Variants in SUCO observed in about 807,000 individuals in gnomAD.
SUCO encodes SUN domain-containing ossification factor.
In SUCO, 57 loss-of-function variants were observed where a neutral mutation model predicts 148.1. The observed-to-expected ratio is 0.38, with a 90% CI of 0.31 to 0.48. The LOEUF (loss-of-function observed/expected upper bound fraction) is 0.48. SUCO is among the 20% of genes least tolerant of loss of function. The pLI, the probability that SUCO is intolerant of heterozygous loss-of-function variation, is 0.96. For synonymous variants in SUCO, 470 were observed against 502.7 expected (o/e 0.93, Z 0.87); for missense variants, 1,331 against 1,468.2 (o/e 0.91, Z 1.53).
intron 15 of SUCO, among the ~76,000 whole-genome samples, 181 bp from the exon 16 acceptor site, chr1:172,584,836 CT>C (rs544751734): frequency 6.6e-6 from 1 of 152,186 alleles, no homozygotes; most frequent in Admixed American, 6.5e-5. Flanking sequence ...TAGATACACA[CT>C]TTACACTTTT....
intron 14 of SUCO, 166 bp downstream of exon 14, chr1:172,578,555 A>G (rs547672557): frequency 2.6e-5 from 25 of 971,700 alleles, no homozygotes; most frequent in Middle Eastern, 1.0e-3. Context: ...CTGTTTTCTA[A>G]TATGATTGCT....
In SUCO at chr1:172,557,280, T is replaced by C. The variant is rs1653819685; in HGVS notation, c.444T>C (p.Asp148=). The change falls in exon 5 of 24, where the codon GAT becomes GAC. Residue 148 remains aspartate (D), a splice_region_variant and synonymous_variant. Coordinates refer to ENST00000263688, the MANE Select transcript of SUCO (RefSeq NM_014283.5). ...TTATGTTTCTTGTTTCTTTTTTTAG[T>C]GAAATAGAAAAATCTGGTACTATTC... ...TSEITPISKL[D]EIEKSGTIPI... is the part of the protein sequence containing the mutation. The C allele has an allele frequency of 1.9e-6, 3 of 1,610,544 alleles. No homozygotes were observed. The East Asian group carries it at 6.7e-5, about 36-fold the overall frequency.
chr1:172,576,884 G>A, intron 11 of SUCO: 1 of 786,218 alleles, frequency 1.3e-6, no homozygotes, highest in Non-Finnish European at 1.5e-6. Flanking sequence ...TGTTATGTAA[G>A]TTTTTTACCT....
intron 3 of SUCO, among the ~76,000 whole-genome samples, chr1:172,554,903 T>A (rs574882662): frequency 6.6e-6 from 1 of 152,266 alleles, no homozygotes; most frequent in South Asian, 2.1e-4. Context: ...TTTCTCGGTG[T>A]AAATAATTCC....
At chr1:172,596,627 G>A (rs1417888389) in intron 19 of SUCO, among the ~76,000 whole-genome samples, 2 of 152,198 alleles carry the variant, frequency 1.3e-5, no homozygotes, top group Admixed American at 1.3e-4. Context: ...AAATGTTGCT[G>A]CCTGATCCTT....
intron 10 of SUCO, among the ~76,000 whole-genome samples, chr1:172,574,477 T>G (rs933109846): frequency 1.3e-5 from 2 of 151,830 alleles, no homozygotes; most frequent in African/African-American, 4.8e-5. Flanking sequence ...ATAAAAGAAA[T>G]AAATATATGT....
At chr1:172,556,326 T>C (rs1407588071) in intron 4 of SUCO, among the ~76,000 whole-genome samples, 3 of 152,336 alleles carry the variant, frequency 2.0e-5, no homozygotes, top group Non-Finnish European at 2.9e-5. Context: ...CTTATTTGAA[T>C]TGAATTCCCT....
upstream of SUCO, chr1:172,533,124 C>T: frequency 2.1e-6 from 3 of 1,439,180 alleles, no homozygotes; most frequent in South Asian, 4.4e-5. Context: ...CCTCACGGAG[C>T]AAGGCCCCCG....
chr1:172,602,611 A>G (rs924240049), intron 21 of SUCO, 85 bp from the exon 22 acceptor site: 5 of 1,553,684 alleles, frequency 3.2e-6, no homozygotes, highest in African/African-American at 1.4e-5. Context: ...ACAGTTCTCA[A>G]TAACCTCTGT....
At chr1:172,580,275 A>T (rs1217287076) in intron 15 of SUCO, among the ~76,000 whole-genome samples, 1 of 152,134 alleles carries the variant, frequency 6.6e-6, no homozygotes. Flanking sequence ...TGGGAAAAAG[A>T]GTGTTAAAAA....
chr1:172,533,033 G>C (rs1571159292), upstream of SUCO: 2 of 1,433,612 alleles, frequency 1.4e-6, no homozygotes, highest in South Asian at 1.5e-5. Context: ...TCCCTTTCCA[G>C]CTCAGCGGTG....
Position 172,535,912 on chromosome 1 carries a change from A to C in SUCO, c.62+2415A>C, listed in dbSNP as rs185444189. The stretch of plus-strand genomic sequence containing the variant: ...TAACCTTAGATTATGTTTACAGAAA[A>C]ACCATTTCATCTATGTCATTATTAA... On this transcript the variant is annotated intron_variant, in intron 1 of 23. Coordinates refer to ENST00000263688, the MANE Select transcript of SUCO (RefSeq NM_014283.5). Among the ~76,000 whole-genome samples the C allele has an allele frequency of 2.9e-4, 44 of 152,286 alleles. No homozygotes were observed. In the East Asian group the frequency reaches 8.1e-3, roughly 28 times the overall value.
upstream of SUCO, chr1:172,532,794 G>A (rs1372669098): frequency 6.8e-6 from 11 of 1,608,912 alleles, no homozygotes; most frequent in South Asian, 4.4e-5. Flanking sequence ...CGCGAGGGAC[G>A]AAGGGCGGTC....
In SUCO at chr1:172,533,286, C is replaced by T. The variant is rs1651739172; in HGVS notation, c.-150C>T. On this transcript the variant is annotated 5_prime_UTR_variant, in exon 1 of 24. Transcript: ENST00000263688. Reference sequence around the variant, plus strand: ...TCAGAGAGGGCTGCCAGGACGCGAGCCACTGAGGAGCCGCTCAGCCAGCGC... The same window carrying T: ...TCAGAGAGGGCTGCCAGGACGCGAGTCACTGAGGAGCCGCTCAGCCAGCGC... The T allele has an allele frequency of 4.5e-6, 7 of 1,549,902 alleles. No homozygotes were observed. The highest frequency in any genetic ancestry group is 6.1e-6 in the Non-Finnish European group (7 of 1,146,934).
At chr1:172,599,968 ATAAC>A (rs1480785567) in intron 19 of SUCO, 92 bp from the exon 20 acceptor site, 6 of 828,114 alleles carry the variant, frequency 7.2e-6, no homozygotes, top group Admixed American at 3.6e-5. Flanking sequence ...TTGTTTTGGA[ATAAC>A]TTAATGGTTT....
chr1:172,598,804 T>C (rs1657299436), intron 19 of SUCO, among the ~76,000 whole-genome samples: 1 of 152,196 alleles, frequency 6.6e-6, no homozygotes, highest in African/African-American at 2.4e-5. Context: ...CAGAGTCAAA[T>C]GTAAGTCAGG....
Position 172,570,067 on chromosome 1 carries a change from T to C in SUCO, c.877T>C (p.Ser293Pro). Reference protein sequence around the residue: ...KEKSQSMHASSNGGSHATKKV... With the variant: ...KEKSQSMHASPNGGSHATKKV... ...TGCAGGTCAGTCGATGCATGCATCT[T>C]CTAATGGAGGTTCACATGCCACCAA... The change falls in exon 8 of 24, where the codon TCT becomes CCT. Residue 293 changes from serine to proline, a missense_variant. Physicochemically the swap from Ser to Pro is moderately conservative, Grantham distance 74. Coordinates refer to ENST00000263688, the MANE Select transcript of SUCO (RefSeq NM_014283.5). 6.3e-7 allele frequency: 1 copy of C among 1,578,600 alleles called. No homozygotes were observed. Among genetic ancestry groups the C allele is most frequent in the South Asian group, 1.2e-5 (1 of 85,116 alleles).
At chr1:172,577,018 C>G (rs2149251285) in intron 11 of SUCO, 1 of 774,942 alleles carries the variant, frequency 1.3e-6, no homozygotes, top group Admixed American at 6.3e-5. Flanking sequence ...CATAGCATAC[C>G]AAAAATTCAT....
Position 172,600,101 on chromosome 1 carries a change from C to T in SUCO, c.2951C>T (p.Ala984Val). ...RQTEAIQLLQ[A>V]QLTNMTQLVS... The stretch of plus-strand genomic sequence containing the variant: ...ACTGAAGCCATCCAGTTGCTACAGG[C>T]ACAGCTGACCAACATGACACAGCTT... The change falls in exon 20 of 24, where the codon GCA (alanine) becomes GTA (valine). Residue 984 changes from alanine (A) to valine (V), a missense_variant. Physicochemically the swap from Ala to Val is moderately conservative, Grantham distance 64. Coordinates refer to ENST00000263688, the MANE Select transcript of SUCO (RefSeq NM_014283.5). The T allele has an allele frequency of 3.7e-6, 6 of 1,610,000 alleles. No homozygotes were observed. Among genetic ancestry groups the T allele is most frequent in the East Asian group, 2.2e-5 (1 of 44,696 alleles).
Sources: gnomAD v4.1 joint callset for allele counts (sites outside exome capture counted in the v4.1 genomes callset) on GRCh38, gnomAD v4.1.1 for gene constraint, MANE v1.5 for transcripts, NCBI Gene and HGNC (gene_info 2026-07-23, HGNC 2026-07-21) for gene names.